ZBTB16: variants seen among roughly 807,000 people sequenced by gnomAD.
ZBTB16 encodes the protein zinc finger and BTB domain-containing protein 16.
Under a neutral mutation model 56.8 loss-of-function variants are expected in ZBTB16, and 8 were observed. The ratio of observed to expected loss-of-function variants is 0.14; its 90% CI spans 0.08 to 0.25. The LOEUF (loss-of-function observed/expected upper bound fraction) is 0.25, where lower values mean the gene tolerates loss of function less well. ZBTB16 is among the 10% of genes least tolerant of loss of function. ZBTB16 has a pLI of 1.00. For synonymous variants in ZBTB16, 363 were observed against 368.5 expected, an observed-to-expected ratio of 0.98 and a Z score of 0.17; for missense variants, 625 against 903.0, an observed-to-expected ratio of 0.69 and a Z score of 3.95.
At chr11:114,207,772 C>G (rs958438117) in intron 4 of ZBTB16, among the ~76,000 whole-genome samples, 1 of 152,174 alleles carries the variant, frequency 6.6e-6, no homozygotes, top group African/African-American at 2.4e-5. Context: ...CGACACCACA[C>G]CCAGATAATT....
intron 4 of ZBTB16, among the ~76,000 whole-genome samples, chr11:114,203,475 C>T (rs1481976920): frequency 6.6e-6 from 1 of 151,984 alleles, no homozygotes. Flanking sequence ...ATCACTTGAG[C>T]CCAGGAGCTT....
At chr11:114,181,260 AC>A (rs1943242509) in intron 3 of ZBTB16, among the ~76,000 whole-genome samples, 2 of 152,204 alleles carry the variant, frequency 1.3e-5, no homozygotes, top group South Asian at 2.1e-4. Flanking sequence ...CTGTATATCT[AC>A]CCACCAGCTG....
At chr11:114,098,926 T>A (rs766601317) in intron 2 of ZBTB16, among the ~76,000 whole-genome samples, 3 of 152,198 alleles carry the variant, frequency 2.0e-5, no homozygotes, top group Non-Finnish European at 2.9e-5. Context: ...TTCTTCATAT[T>A]TGCTTGCAAG....
intron 4 of ZBTB16, among the ~76,000 whole-genome samples, chr11:114,205,946 CCT>C (rs1162196087): frequency 1.3e-5 from 2 of 152,086 alleles, no homozygotes; most frequent in African/African-American, 4.8e-5. Flanking sequence ...CTCGGGATCC[CCT>C]GTCTCCAGAC....
At chr11:114,244,408 G>T (rs1944775288) in intron 5 of ZBTB16, among the ~76,000 whole-genome samples, 1 of 151,928 alleles carries the variant, frequency 6.6e-6, no homozygotes, top group Non-Finnish European at 1.5e-5. Context: ...GCTGGAGGGG[G>T]CTCTAATTAG....
chr11:114,080,456 C>CTA (rs1220064890), intron 2 of ZBTB16, among the ~76,000 whole-genome samples: 2 of 152,264 alleles, frequency 1.3e-5, no homozygotes, highest in East Asian at 3.9e-4. Context: ...CTCTCTCTCT[C>CTA]TCTCTCTCTC....
intron 2 of ZBTB16, among the ~76,000 whole-genome samples, chr11:114,072,727 A>G (rs1939394216): frequency 1.3e-5 from 2 of 152,150 alleles, no homozygotes; most frequent in South Asian, 4.1e-4. Flanking sequence ...GGCGGAGAGA[A>G]GCCCAAGAGG....
At chr11:114,081,516 G>A (rs1383432829) in intron 2 of ZBTB16, among the ~76,000 whole-genome samples, 1 of 152,124 alleles carries the variant, frequency 6.6e-6, no homozygotes, top group Non-Finnish European at 1.5e-5. Context: ...AAACCTTGTT[G>A]AGCACTTACT....
At chr11:114,065,759 T>G (rs1939092986) in intron 2 of ZBTB16, among the ~76,000 whole-genome samples, 1 of 152,190 alleles carries the variant, frequency 6.6e-6, no homozygotes, top group South Asian at 2.1e-4. Context: ...GGCTCAGATG[T>G]CAAGTCTCTT....
chr11:114,145,792 G>T (rs895071250), intron 2 of ZBTB16, among the ~76,000 whole-genome samples: 3 of 152,138 alleles, frequency 2.0e-5, no homozygotes, highest in Admixed American at 1.3e-4. Context: ...AAATTTTGTG[G>T]TACGTGGAAA....
At chr11:114,107,927 T>A (rs1182399896) in intron 2 of ZBTB16, among the ~76,000 whole-genome samples, 9 of 151,714 alleles carry the variant, frequency 5.9e-5, no homozygotes, top group Non-Finnish European at 4.4e-5. Context: ...TTTTTTTTTT[T>A]AAAGCCTGTG....
intron 3 of ZBTB16, among the ~76,000 whole-genome samples, chr11:114,180,511 A>T (rs1478952071): frequency 6.6e-6 from 1 of 152,186 alleles, no homozygotes; most frequent in Non-Finnish European, 1.5e-5. Context: ...GAGATCTCAC[A>T]CCAGAAGAAG....
At chr11:114,216,916 A>C (rs538666955) in intron 4 of ZBTB16, among the ~76,000 whole-genome samples, 5 of 145,120 alleles carry the variant, frequency 3.4e-5, no homozygotes, top group African/African-American at 1.0e-4. Flanking sequence ...ATTATAATGC[A>C]GAATGCTGAG....
intron 2 of ZBTB16, among the ~76,000 whole-genome samples, chr11:114,132,166 G>C (rs1006461999): frequency 6.6e-6 from 1 of 152,080 alleles, no homozygotes; most frequent in African/African-American, 2.4e-5. Flanking sequence ...TATAGGTATA[G>C]GTCTAGAATG....
intron 4 of ZBTB16, among the ~76,000 whole-genome samples, chr11:114,241,536 T>C (rs1944702937): frequency 6.6e-6 from 1 of 152,194 alleles, no homozygotes; most frequent in Non-Finnish European, 1.5e-5. Context: ...ATAAATGTAA[T>C]GTGCTTGAAT....
chr11:114,247,830 G>A (rs1944845486), intron 6 of ZBTB16, among the ~76,000 whole-genome samples: 1 of 152,146 alleles, frequency 6.6e-6, no homozygotes, highest in Admixed American at 6.5e-5. Flanking sequence ...GTTTGGTTCT[G>A]AGATTAGAAG....
intron 2 of ZBTB16, among the ~76,000 whole-genome samples, chr11:114,144,627 G>A (rs2134910471): frequency 6.6e-6 from 1 of 152,346 alleles, no homozygotes; most frequent in South Asian, 2.1e-4. Context: ...AGGAAGAGAG[G>A]CTCTCGCCCT....
intron 4 of ZBTB16, chr11:114,189,339 A>T (rs1943437615): frequency 6.6e-6 from 1 of 152,246 alleles, no homozygotes; most frequent in Non-Finnish European, 1.5e-5. Context: ...GCTCAACTGC[A>T]TTCACCATCA....
chr11:114,233,097 A>C (rs1188838676), intron 4 of ZBTB16, among the ~76,000 whole-genome samples: 2 of 39,262 alleles, frequency 5.1e-5, no homozygotes, highest in Non-Finnish European at 1.4e-4. Context: ...ACACACACAC[A>C]CACACACACA....
Sources: gnomAD v4.1 joint callset for allele counts (sites outside exome capture counted in the v4.1 genomes callset) on GRCh38, gnomAD v4.1.1 for gene constraint, MANE v1.5 for transcripts, NCBI Gene and HGNC (gene_info 2026-07-23, HGNC 2026-07-21) for gene names.